The following SYNE2 variants were observed in gnomAD, a reference collection of about 807,000 sequenced individuals.
The protein encoded by SYNE2 is spectrin repeat containing nuclear envelope protein 2.
Under a neutral mutation model 856.3 loss-of-function variants are expected in SYNE2, and 431 were observed. The observed-to-expected ratio is 0.50, with a 90% confidence interval of 0.47 to 0.55. The LOEUF (loss-of-function observed/expected upper bound fraction) is 0.55, where lower values mean the gene tolerates loss of function less well. Among genes scored for constraint, SYNE2 ranks in the 20% least tolerant of loss-of-function variants. SYNE2 has a pLI of 0.00. For synonymous variants in SYNE2, 2,923 were observed against 2,872.3 expected (o/e 1.02, Z -0.56); for missense variants, 8,129 against 8,023.2 (o/e 1.01, Z -0.50).
rs977173110 is a variant in SYNE2, at chr14:64,070,816, A to G, written c.10603A>G (p.Ile3535Val). ...QLLLTLLLQR[I>V]RSIQNVPESS... is the part of the protein sequence containing the mutation. ...GTTACTGACTCTACTTCTTCAGCGC[A>G]TCAGAAGTATCCAGAATGTTCCTGA... Residue 3535 changes from isoleucine to valine, a missense_variant, in exon 52 of 116, where the codon ATC becomes GTC. Transcript: ENST00000555002. The G allele has an allele frequency of 6.2e-7, 1 of 1,614,202 alleles. No individual in the cohort carries two copies. Among genetic ancestry groups the G allele is most frequent in the South Asian group, 1.1e-5 (1 of 91,082 alleles).
intron 95 of SYNE2, among the ~76,000 whole-genome samples, chr14:64,177,099 G>A (rs935735406): frequency 3.3e-5 from 5 of 152,032 alleles, no homozygotes; most frequent in South Asian, 4.1e-4. Flanking sequence ...TGCCCAGCCC[G>A]GAAGAACTAT....
At chr14:64,061,090 C>G (rs895879562) in intron 49 of SYNE2, among the ~76,000 whole-genome samples, 7 of 152,152 alleles carry the variant, frequency 4.6e-5, no homozygotes, top group African/African-American at 1.7e-4. Context: ...AAACTAGTTA[C>G]TGTGATTGCT....
At chr14:64,100,771 C>T (rs187556303) in intron 63 of SYNE2, among the ~76,000 whole-genome samples, 32 of 150,660 alleles carry the variant, frequency 2.1e-4, no homozygotes, top group African/African-American at 7.3e-4. Context: ...TGAACTTATT[C>T]CTCCTGTGCC....
chr14:64,056,100 G>A lies in SYNE2; in HGVS notation c.9901G>A (p.Glu3301Lys). ...ESLEMPLRKQ[E>K]ELESTVAHIQ... Reference sequence around the variant, plus strand: ...TTTAGAGATGCCTCTTCGAAAACAAGAGGAATTGGAATCCACAGTAGCACA... The same window carrying A: ...TTTAGAGATGCCTCTTCGAAAACAAAAGGAATTGGAATCCACAGTAGCACA... The change falls in exon 49 of 116, where the codon GAG becomes AAG. Residue 3301 changes from glutamate (E) to lysine (K), a missense_variant. Coordinates refer to ENST00000555002, the MANE Select transcript of SYNE2 (RefSeq NM_182914.3). 2 of 1,614,160 alleles carry A rather than the reference G, an allele frequency of 1.2e-6. No individual in the cohort carries two copies. Among genetic ancestry groups the A allele is most frequent in the East Asian group, 4.5e-5 (2 of 44,876 alleles).
At position 64,125,079 on chromosome 14, in the gene SYNE2, G is replaced by A. The variant is rs200498250; in HGVS notation, c.13423G>A (p.Val4475Ile). Residue 4475 changes from valine to isoleucine, a missense_variant and splice_region_variant, in exon 71 of 116, where the codon GTT becomes ATT. This residue lies in a region of SYNE2 where 5,410 missense variants were observed against 5,284.8 expected (regional missense o/e 1.02). Transcript: ENST00000555002. Reference sequence around the variant, plus strand: ...AATAGGGTTTTCCTTTGTCAAATAGGTTTCCACAAATATGGGTATTCTACC... The same window carrying A: ...AATAGGGTTTTCCTTTGTCAAATAGATTTCCACAAATATGGGTATTCTACC... The part of the protein sequence containing the change: ...LPLPQLVEPQ[V>I]STNMGILPSV... 85 of 1,613,946 alleles carry A rather than the reference G, an allele frequency of 5.3e-5. 1 individual carries two copies. In the Middle Eastern group the frequency reaches 8.2e-4, roughly 16 times the overall value.
chr14:64,222,243 ATTG>A (rs754257917), intron 112 of SYNE2, among the ~76,000 whole-genome samples: 24 of 152,210 alleles, frequency 1.6e-4, no homozygotes, highest in Non-Finnish European at 3.5e-4. Flanking sequence ...AGTGCTAGCC[ATTG>A]TTTAAAAATA....
intron 95 of SYNE2, 120 bp from the exon 96 acceptor site, chr14:64,177,238 G>A (rs1191217909): frequency 3.9e-6 from 5 of 1,283,360 alleles, no homozygotes; most frequent in Non-Finnish European, 5.5e-6. Context: ...CTGGGTGTCT[G>A]TGTGATTTAT....
At chr14:64,035,871 T>A (rs1057411655) in intron 45 of SYNE2, among the ~76,000 whole-genome samples, 6 of 150,772 alleles carry the variant, frequency 4.0e-5, no homozygotes, top group African/African-American at 1.2e-4. Flanking sequence ...TTTTTGTATT[T>A]TTTTTTTTTT....
rs1442139129 is a variant in SYNE2, at chr14:64,146,058, A to T, written c.15484-10A>T. On this transcript the variant is annotated splice_polypyrimidine_tract_variant and intron_variant, in intron 83 of 115. Coordinates refer to ENST00000555002, the MANE Select transcript of SYNE2 (RefSeq NM_182914.3). ...TTTTAACATTTTTTGTAATCTTTAC[A>T]TTCACTTAGATACAACATTTAGAAC... The T allele has an allele frequency of 6.5e-6, 10 of 1,535,692 alleles. No individual in the cohort carries two copies. The highest frequency in any genetic ancestry group is 8.9e-6 in the Non-Finnish European group (10 of 1,129,670).
Position 63,976,704 on chromosome 14 carries a change from C to T in SYNE2, c.1270C>T (p.Gln424Ter). 1 of 1,608,554 alleles carries T rather than the reference C, an allele frequency of 6.2e-7. No homozygotes were observed. The highest frequency in any genetic ancestry group is 8.5e-7 in the Non-Finnish European group (1 of 1,177,990). ...TCACTCTCAAGCCGTGACTCTGATA[C>T]AAGAGAAAATGACTTTATTCAAGGT... is the stretch of plus-strand genomic sequence containing the variant. ...QDHSQAVTLI[Q>*]EKMTLFKSLM... The change falls in exon 12 of 116, where the codon CAA (glutamine) becomes TAA (stop). Residue 424 changes from glutamine to a stop codon, truncating the protein, a stop_gained. Transcript: ENST00000555002. LOFTEE classifies it high-confidence loss of function.
intron 45 of SYNE2, among the ~76,000 whole-genome samples, chr14:64,041,614 T>C (rs1485619435): frequency 6.6e-6 from 1 of 152,096 alleles, no homozygotes; most frequent in Non-Finnish European, 1.5e-5. Flanking sequence ...TTTGGGAGGC[T>C]GAGGCAGGAG....
Position 64,017,656 on chromosome 14 carries a change from A to C in SYNE2, c.4949A>C (p.Lys1650Thr). 2 of 1,613,636 alleles carry C rather than the reference A, an allele frequency of 1.2e-6. No homozygotes were observed. The highest frequency in any genetic ancestry group is 2.2e-5 in the South Asian group (2 of 91,070). ...GGTCGAGCTCTAGCTTTGTGGGACA[A>C]ACTTTTTAACTTAAAAAATGTCATT... ...NLGRALALWD[K>T]LFNLKNVIDE... The change falls in exon 34 of 116, where the codon AAA becomes ACA. Residue 1650 changes from lysine (K) to threonine (T), a missense_variant. Coordinates refer to ENST00000555002, the MANE Select transcript of SYNE2 (RefSeq NM_182914.3).
At chr14:64,213,207 AGTG>A (rs1231217940) in intron 105 of SYNE2, among the ~76,000 whole-genome samples, 1 of 152,202 alleles carries the variant, frequency 6.6e-6, no homozygotes, top group Non-Finnish European at 1.5e-5. Context: ...CCCATTCCCC[AGTG>A]GAAAGCATGG....
chr14:63,851,028 C>T (rs528405473), upstream of SYNE2, among the ~76,000 whole-genome samples: 8 of 152,274 alleles, frequency 5.3e-5, no homozygotes, highest in East Asian at 1.4e-3. Flanking sequence ...GGCTCTCCAG[C>T]TTGCAACTCT....
At chr14:63,803,742 A>C (rs1240922624) in intron 1 of SYNE2, among the ~76,000 whole-genome samples, 1 of 152,216 alleles carries the variant, frequency 6.6e-6, no homozygotes, top group African/African-American at 2.4e-5. Flanking sequence ...GGGCTCCTCA[A>C]GTGCCGCCAA....
intron 1 of SYNE2, among the ~76,000 whole-genome samples, chr14:63,770,448 G>A (rs140766364): frequency 6.6e-6 from 1 of 152,266 alleles, no homozygotes; most frequent in East Asian, 1.9e-4. Flanking sequence ...GTAAATTCCT[G>A]TGGATGAAAG....
intron 6 of SYNE2, among the ~76,000 whole-genome samples, chr14:63,945,050 G>A (rs910757759): frequency 1.4e-5 from 2 of 143,462 alleles, no homozygotes; most frequent in African/African-American, 5.2e-5. Flanking sequence ...TCAAATCCAC[G>A]CACCTCGGCC....
intron 65 of SYNE2, among the ~76,000 whole-genome samples, chr14:64,110,083 G>A (rs151051378): frequency 6.6e-6 from 1 of 152,274 alleles, no homozygotes; most frequent in East Asian, 1.9e-4. Context: ...GTTAGGTACT[G>A]TACTTTAGGT....
intron 64 of SYNE2, among the ~76,000 whole-genome samples, chr14:64,105,099 C>T (rs886082800): frequency 2.0e-5 from 3 of 152,150 alleles, no homozygotes; most frequent in African/African-American, 4.8e-5. Flanking sequence ...TACAGCCTCT[C>T]CTCCCATTAT....
Sources: gnomAD v4.1 joint callset for allele counts (sites outside exome capture counted in the v4.1 genomes callset) on GRCh38, gnomAD v4.1.1 for gene constraint, gnomAD v4.1.1 regional missense constraint, MANE v1.5 for transcripts, NCBI Gene and HGNC (gene_info 2026-07-23, HGNC 2026-07-21) for gene names.